DPH1: variants seen among roughly 807,000 people sequenced by gnomAD.
The protein encoded by DPH1 is 2-(3-amino-3-carboxypropyl)histidine synthase subunit 1.
In DPH1, 59 loss-of-function variants were observed where a neutral mutation model predicts 55.3. The ratio of observed to expected loss-of-function variants is 1.07; its 90% CI spans 0.87 to 1.33. The LOEUF (loss-of-function observed/expected upper bound fraction) is 1.33. Ranked by LOEUF, DPH1 falls within the 40% of genes most tolerant of loss-of-function variation. The pLI is 0.00. For synonymous variants in DPH1, 238 were observed against 235.5 expected (o/e 1.01, Z -0.10); for missense variants, 628 against 584.8 (o/e 1.07, Z -0.76).
At position 2,030,185 on chromosome 17, in the gene DPH1, G is replaced by A; in HGVS notation, c.16G>A (p.Val6Ile). 1 of 1,602,936 alleles carries A rather than the reference G, an allele frequency of 6.2e-7. No homozygotes were observed. Among genetic ancestry groups the A allele is most frequent in the Non-Finnish European group, 8.5e-7 (1 of 1,175,842 alleles). The part of the protein sequence containing the change: MAALV[V>I]SGAAEQGGRD... The stretch of plus-strand genomic sequence containing the variant: ...CAGGCAGGTGATGGCGGCGCTGGTC[G>A]TATCCGGGGCAGCGGAGCAGGGCGG... The change falls in exon 1 of 13, where the codon GTA (valine) becomes ATA (isoleucine). Residue 6 changes from valine (V) to isoleucine (I), a missense_variant. Physicochemically the swap from Val to Ile is conservative, Grantham distance 29. Transcript: ENST00000263083.
rs775611935 is a variant in DPH1 at position 2,041,502 on chromosome 17, A to C, written c.1108A>C (p.Ile370Leu). The change falls in exon 11 of 13, where the codon ATT becomes CTT. Residue 370 changes from isoleucine (I) to leucine (L), a missense_variant. Ile to Leu is a conservative substitution (Grantham distance 5). Coordinates refer to ENST00000263083, the MANE Select transcript of DPH1 (RefSeq NM_001383.6). ...CTAGGCGGCCGTGGCTCTGAGGGAC[A>C]TTTCCTGGCAGCAGCCCTACCCGAT... ...PYEAAVALRD[I>L]SWQQPYPMDF... 42 of 1,610,274 alleles carry C rather than the reference A, an allele frequency of 2.6e-5. No individual in the cohort carries two copies. Among genetic ancestry groups the C allele is most frequent in the Non-Finnish European group, 2.5e-6 (3 of 1,178,598 alleles).
intron 7 of DPH1, 110 bp downstream of exon 7, chr17:2,039,933 C>T: frequency 6.6e-7 from 1 of 1,515,354 alleles, no homozygotes. Context: ...GCCACCAGCC[C>T]TAAGGGTCTG....
Position 2,043,048 on chromosome 17 carries a change from G to T in DPH1, c.*462G>T, listed in dbSNP as rs200430646. 3.7e-6 allele frequency: 6 copies of T among 1,613,986 alleles called. No individual in the cohort carries two copies. In the Admixed American group the frequency reaches 5.0e-5, roughly 13 times the overall value. On this transcript the variant is annotated 3_prime_UTR_variant, in exon 13 of 13. Transcript: ENST00000263083. ...CCACTCTGGTGGCCACTTCATTCCA[G>T]CAGCTGCACCCCAGCGTCAGGCCTA...
intron 9 of DPH1, 158 bp downstream of exon 9, chr17:2,040,763 C>T: frequency 1.3e-6 from 1 of 751,916 alleles, no homozygotes; most frequent in Non-Finnish European, 2.2e-6. Flanking sequence ...GTCATACCTG[C>T]TTTGGGACTT....
Position 2,042,126 on chromosome 17 carries a change from G to C in DPH1, c.*18+251G>C, listed in dbSNP as rs1038180106. The C allele has an allele frequency of 1.3e-5, 20 of 1,557,594 alleles. No homozygotes were observed. The highest frequency in any genetic ancestry group is 1.5e-5 in the Non-Finnish European group (18 of 1,161,304). Reference sequence around the variant, plus strand: ...CGAGCGGGGCTTCCGTGAGAAGACCGGGGCGCTGAGGAAGGCGCTGCGGGG... The same window carrying C: ...CGAGCGGGGCTTCCGTGAGAAGACCCGGGCGCTGAGGAAGGCGCTGCGGGG... On this transcript the variant is annotated intron_variant, in intron 12 of 12. Coordinates refer to ENST00000263083, the MANE Select transcript of DPH1 (RefSeq NM_001383.6).
chr17:2,042,356 A>G (rs2067554011), intron 12 of DPH1: 1 of 1,333,648 alleles, frequency 7.5e-7, no homozygotes. Flanking sequence ...CACACCCTTC[A>G]TTTCTCGCGA....
Position 2,041,177 on chromosome 17 carries a change from A to G in DPH1, c.1082A>G (p.Tyr361Cys), listed in dbSNP as rs377571866. The change falls in exon 10 of 13, where the codon TAT becomes TGT. Residue 361 changes from tyrosine to cysteine, a missense_variant. Transcript: ENST00000263083. Reference sequence around the variant, plus strand: ...TTCCCCAAGCCGCTGCTGACACCCTATGAGGTAACACCAAGCTCTGGGAGA... The same window carrying G: ...TTCCCCAAGCCGCTGCTGACACCCTGTGAGGTAACACCAAGCTCTGGGAGA... ...TAFPKPLLTP[Y>C]EAAVALRDIS... 1 of 1,603,792 alleles carries G rather than the reference A, an allele frequency of 6.2e-7. No homozygotes were observed. The highest frequency in any genetic ancestry group is 8.5e-7 in the Non-Finnish European group (1 of 1,174,872).
intron 1 of DPH1, among the ~76,000 whole-genome samples, chr17:2,032,147 T>C (rs1421994613): frequency 1.3e-5 from 2 of 152,220 alleles, no homozygotes; most frequent in Non-Finnish European, 2.9e-5. Flanking sequence ...TTAGTATTCA[T>C]GTTTAACGGT....
chr17:2,037,979 G>A (rs1279044540), intron 6 of DPH1, among the ~76,000 whole-genome samples: 1 of 152,122 alleles, frequency 6.6e-6, no homozygotes, highest in Non-Finnish European at 1.5e-5. Flanking sequence ...CAGGTACTTA[G>A]TCTATGCCTG....
intron 3 of DPH1, 127 bp downstream of exon 3, chr17:2,033,969 C>G: frequency 1.9e-6 from 2 of 1,039,782 alleles, no homozygotes. Flanking sequence ...TCCCCCTTTC[C>G]CTCCCACAAC....
At chr17:2,041,447 G>A (rs2067521492) in intron 10 of DPH1, 34 bp from the exon 11 acceptor site, 2 of 1,577,202 alleles carry the variant, frequency 1.3e-6, no homozygotes, top group Non-Finnish European at 1.7e-6. Context: ...AAAAACACTG[G>A]CAGATGTTAT....
intron 3 of DPH1, 139 bp downstream of exon 3, chr17:2,033,981 A>C: frequency 1.1e-6 from 1 of 941,644 alleles, no homozygotes; most frequent in Non-Finnish European, 1.6e-6. Flanking sequence ...TCCCACAACC[A>C]TACACACACT....
chr17:2,031,095 G>GGCTCC (rs1481951854), intron 1 of DPH1, among the ~76,000 whole-genome samples: 2 of 152,136 alleles, frequency 1.3e-5, no homozygotes, highest in African/African-American at 2.4e-5. Context: ...CAGACTCTGT[G>GGCTCC]GCTCCTGAAG....
chr17:2,041,180 A>G lies in DPH1; in HGVS notation c.1085A>G (p.Glu362Gly). The G allele has an allele frequency of 6.2e-7, 1 of 1,603,248 alleles. No homozygotes were observed. The highest frequency in any genetic ancestry group is 1.1e-5 in the South Asian group (1 of 89,146). ...AFPKPLLTPY[E>G]AAVALRDISW... ...CCCAAGCCGCTGCTGACACCCTATG[A>G]GGTAACACCAAGCTCTGGGAGAGAG... is the stretch of plus-strand genomic sequence containing the variant. Residue 362 changes from glutamate to glycine, a missense_variant and splice_region_variant, in exon 10 of 13, where the codon GAG (glutamate) becomes GGG (glycine). Coordinates refer to ENST00000263083, the MANE Select transcript of DPH1 (RefSeq NM_001383.6).
chr17:2,042,285 C>T lies in DPH1; in HGVS notation c.*19-320C>T, dbSNP rs2067551551. On this transcript the variant is annotated intron_variant, in intron 12 of 12. Transcript: ENST00000263083. ...CTCAGTTTCCTCCATCTTGTTTCGTCCCCCTCGACACCCTTCAGCATCCCC... is the reference window on the plus strand; with the variant it reads ...CTCAGTTTCCTCCATCTTGTTTCGTTCCCCTCGACACCCTTCAGCATCCCC... 12 of 1,398,666 alleles carry T rather than the reference C, an allele frequency of 8.6e-6. No homozygotes were observed. The East Asian group carries it at 1.1e-4, about 13-fold the overall frequency. 86.6% of individuals were successfully genotyped at this position (1,398,666 alleles called of 1,614,324 possible). A position where few individuals can be genotyped will look rare whatever the true frequency, so the allele number is the denominator to read the frequency against.
chr17:2,043,264 T>G lies in DPH1; in HGVS notation c.*678T>G. ...CTTGAGACCCAAATTATAAGGGCCC[T>G]GCCCTGTACTGAAGAAAAGGGGAGC... is the stretch of plus-strand genomic sequence containing the variant. On this transcript the variant is annotated 3_prime_UTR_variant, in exon 13 of 13. Coordinates refer to ENST00000263083, the MANE Select transcript of DPH1 (RefSeq NM_001383.6). 2.7e-4 allele frequency: 208 copies of G among 757,440 alleles called. No individual in the cohort carries two copies. The highest frequency in any genetic ancestry group is 3.7e-4 in the Non-Finnish European group (180 of 480,862). 46.9% of individuals were successfully genotyped at this position (757,440 alleles called of 1,614,324 possible).
chr17:2,042,044 C>G (rs1457051109), intron 12 of DPH1, 169 bp downstream of exon 12: 6 of 1,520,258 alleles, frequency 3.9e-6, no homozygotes, highest in Non-Finnish European at 5.3e-6. Flanking sequence ...CCTTGCCGGG[C>G]ATAATGGCCG....
rs2067484032 is a variant in DPH1, at chr17:2,039,742, T to C, written c.681-13T>C. On this transcript the variant is annotated splice_polypyrimidine_tract_variant and intron_variant, in intron 6 of 12. Coordinates refer to ENST00000263083, the MANE Select transcript of DPH1 (RefSeq NM_001383.6). ...GCCCTAAACCACACTTAGCCTCCTT[T>C]CCACCCCTGCAGGTATCTTGGAGAT... 6.2e-7 allele frequency: 1 copy of C among 1,613,974 alleles called. No individual in the cohort carries two copies. The highest frequency in any genetic ancestry group is 1.1e-5 in the South Asian group (1 of 91,082).
At chr17:2,038,422 G>A (rs192250064) in intron 6 of DPH1, among the ~76,000 whole-genome samples, 25 of 152,270 alleles carry the variant, frequency 1.6e-4, no homozygotes, top group African/African-American at 5.8e-4. Flanking sequence ...GCAACCTCAT[G>A]TACAGCATAG....
Sources: allele counts gnomAD v4.1 joint callset (sites outside exome capture counted in the v4.1 genomes callset), GRCh38; gene constraint gnomAD v4.1.1; transcripts MANE v1.5; gene names NCBI Gene and HGNC (gene_info 2026-07-23, HGNC 2026-07-21).